CNTNAP2: variants seen among roughly 807,000 people sequenced by gnomAD.
The protein encoded by CNTNAP2 is contactin-associated protein-like 2.
Under a neutral mutation model 155.2 loss-of-function variants are expected in CNTNAP2, and 98 were observed. That is an observed-to-expected ratio of 0.63 (90% confidence interval 0.54 to 0.75). The LOEUF (loss-of-function observed/expected upper bound fraction) is 0.75, where lower values mean the gene tolerates loss of function less well. Among genes scored for constraint, CNTNAP2 ranks in the 30% least tolerant of loss-of-function variants. CNTNAP2 has a pLI of 0.00. For synonymous variants in CNTNAP2, 651 were observed against 631.2 expected (o/e 1.03, Z -0.47); for missense variants, 1,727 against 1,688.1 (o/e 1.02, Z -0.40).
At chr7:146,761,137 C>T (rs1428790572) in intron 1 of CNTNAP2, among the ~76,000 whole-genome samples, 1 of 152,174 alleles carries the variant, frequency 6.6e-6, no homozygotes, top group African/African-American at 2.4e-5. Flanking sequence ...CATTCTGACA[C>T]TGGTCACTGT....
At chr7:148,240,487 A>G (rs1339103575) in intron 20 of CNTNAP2, among the ~76,000 whole-genome samples, 2 of 152,320 alleles carry the variant, frequency 1.3e-5, no homozygotes, top group East Asian at 3.9e-4. Context: ...CTTGAGGACA[A>G]TGTCAGTGTA....
At chr7:146,939,272 G>C (rs1340821221) in intron 3 of CNTNAP2, among the ~76,000 whole-genome samples, 1 of 152,002 alleles carries the variant, frequency 6.6e-6, no homozygotes. Context: ...AGTTCGTTTT[G>C]AATTCTTCTG....
intron 11 of CNTNAP2, among the ~76,000 whole-genome samples, chr7:147,493,280 C>A (rs6973129): frequency 0.19 from 28,521 of 152,084 alleles, 3,054 homozygotes; most frequent in East Asian, 0.33. Flanking sequence ...GCATGGAGTA[C>A]ATCTACTCTT....
chr7:147,793,714 G>A (rs917961999), intron 13 of CNTNAP2, among the ~76,000 whole-genome samples: 2 of 151,930 alleles, frequency 1.3e-5, no homozygotes, highest in African/African-American at 4.8e-5. Flanking sequence ...AAATCAGGTG[G>A]GGATTTAATA....
intron 1 of CNTNAP2, among the ~76,000 whole-genome samples, chr7:146,197,415 T>G (rs1798793016): frequency 1.3e-5 from 2 of 152,286 alleles, no homozygotes; most frequent in Middle Eastern, 3.4e-3. Flanking sequence ...GTATATAATT[T>G]CTGACTTTTT....
At chr7:146,796,588 A>G (rs749556188) in intron 2 of CNTNAP2, among the ~76,000 whole-genome samples, 5 of 152,094 alleles carry the variant, frequency 3.3e-5, no homozygotes, top group South Asian at 2.1e-4. Flanking sequence ...ACGCAGTTCT[A>G]TAATTAAAGA....
At chr7:148,243,071 G>A (rs1028786256) in intron 20 of CNTNAP2, among the ~76,000 whole-genome samples, 1 of 152,158 alleles carries the variant, frequency 6.6e-6, no homozygotes, top group Non-Finnish European at 1.5e-5. Flanking sequence ...GGAAGTCAGA[G>A]AATGAATAAA....
chr7:146,479,897 G>T (rs1796934200), intron 1 of CNTNAP2, among the ~76,000 whole-genome samples: 1 of 152,120 alleles, frequency 6.6e-6, no homozygotes, highest in Non-Finnish European at 1.5e-5. Flanking sequence ...CGATTCTTCT[G>T]CCTCATCCTC....
At chr7:148,175,766 A>G (rs1354058883) in intron 18 of CNTNAP2, among the ~76,000 whole-genome samples, 3 of 152,110 alleles carry the variant, frequency 2.0e-5, no homozygotes, top group African/African-American at 7.2e-5. Context: ...TTATTAGCCC[A>G]TCCAGGAGAA....
At chr7:146,324,327 T>G (rs554873021) in intron 1 of CNTNAP2, among the ~76,000 whole-genome samples, 2 of 152,140 alleles carry the variant, frequency 1.3e-5, no homozygotes, top group Admixed American at 1.3e-4. Context: ...GTCTGAAACC[T>G]AAGTAGGGAG....
chr7:146,766,275 G>C (rs1802192738), intron 1 of CNTNAP2, among the ~76,000 whole-genome samples: 1 of 151,954 alleles, frequency 6.6e-6, no homozygotes, highest in Non-Finnish European at 1.5e-5. Flanking sequence ...ATTATATATG[G>C]GTTTCTCTGA....
chr7:147,409,812 C>T (rs1797072764), intron 10 of CNTNAP2, among the ~76,000 whole-genome samples: 1 of 151,422 alleles, frequency 6.6e-6, no homozygotes, highest in Non-Finnish European at 1.5e-5. Context: ...ACCTCAACAT[C>T]ACTGATCATT....
intron 3 of CNTNAP2, among the ~76,000 whole-genome samples, chr7:147,020,604 T>C (rs544547120): frequency 7.9e-4 from 121 of 152,314 alleles, no homozygotes; most frequent in African/African-American, 2.8e-3. Context: ...GTTATTCATA[T>C]ACACTCCGTA....
At chr7:148,064,140 G>A (rs183804880) in intron 15 of CNTNAP2, among the ~76,000 whole-genome samples, 273 of 152,160 alleles carry the variant, frequency 1.8e-3, no homozygotes, top group African/African-American at 6.3e-3. Context: ...TAGCCTTATA[G>A]TATAGCTTGA....
chr7:146,598,733 C>G (rs1339908721), intron 1 of CNTNAP2, among the ~76,000 whole-genome samples: 1 of 152,036 alleles, frequency 6.6e-6, no homozygotes, highest in Non-Finnish European at 1.5e-5. Context: ...TCAAACTTCT[C>G]TATGTAAATC....
intron 18 of CNTNAP2, among the ~76,000 whole-genome samples, chr7:148,174,348 A>C (rs1794893033): frequency 6.6e-6 from 1 of 152,170 alleles, no homozygotes; most frequent in African/African-American, 2.4e-5. Flanking sequence ...AGGATCTCCC[A>C]GCCTGATGCT....
intron 3 of CNTNAP2, among the ~76,000 whole-genome samples, chr7:147,009,974 T>TCATTGAAC (rs1373135785): frequency 6.6e-6 from 1 of 151,728 alleles, no homozygotes; most frequent in Non-Finnish European, 1.5e-5. Context: ...TGCTCCAGTA[T>TCATTGAAC]CATTGAACAC....
At chr7:147,515,211 T>G (rs1799097763) in intron 11 of CNTNAP2, among the ~76,000 whole-genome samples, 1 of 152,156 alleles carries the variant, frequency 6.6e-6, no homozygotes, top group Non-Finnish European at 1.5e-5. Flanking sequence ...TGCCCAGATG[T>G]CATCTTCTCT....
At chr7:147,114,635 CT>C (rs1403932686) in intron 5 of CNTNAP2, among the ~76,000 whole-genome samples, 1 of 152,118 alleles carries the variant, frequency 6.6e-6, no homozygotes, top group Non-Finnish European at 1.5e-5. Flanking sequence ...ATTGCAACCC[CT>C]GCTTTTTTCT....
Sources: gnomAD v4.1 joint callset for allele counts (sites outside exome capture counted in the v4.1 genomes callset) on GRCh38, gnomAD v4.1.1 for gene constraint, MANE v1.5 for transcripts, NCBI Gene and HGNC (gene_info 2026-07-23, HGNC 2026-07-21) for gene names.